SNX5: variants seen among roughly 807,000 people sequenced by gnomAD.
SNX5 encodes the protein sorting nexin 5, also known as sorting nexin-5.
SNX5 carries 31 observed loss-of-function variants against 53.9 expected under a neutral mutation model. The observed-to-expected ratio is 0.58, with a 90% confidence interval of 0.43 to 0.78. The LOEUF (loss-of-function observed/expected upper bound fraction) is 0.78, where lower values mean the gene tolerates loss of function less well. Ranked by LOEUF, SNX5 falls within the 30% of genes least tolerant of loss-of-function variation. The pLI is 0.00. For synonymous variants in SNX5, 168 were observed against 171.1 expected, an observed-to-expected ratio of 0.98 and a Z score of 0.14; for missense variants, 471 against 478.8, an observed-to-expected ratio of 0.98 and a Z score of 0.15.
Position 17,956,881 on chromosome 20 carries a change from A to G in SNX5, c.156+52T>C, listed in dbSNP as rs895116424. ...GAATCTCTTCTCACATCCACTGTGA[A>G]TAACAAGGCTGCAACCTAGCACTGT... On this transcript the variant is annotated intron_variant, in intron 2 of 12. Transcript: ENST00000377759. The G allele has an allele frequency of 1.2e-5, 11 of 924,744 alleles. No homozygotes were observed. In the South Asian group the frequency reaches 1.4e-4, roughly 12 times the overall value. 57.3% of individuals were successfully genotyped at this position (924,744 alleles called of 1,614,324 possible).
intron 11 of SNX5, 95 bp downstream of exon 11, chr20:17,947,391 G>A: frequency 1.5e-6 from 2 of 1,345,488 alleles, no homozygotes; most frequent in African/African-American, 1.5e-5. Context: ...ACTGGGTGAA[G>A]GATACATGGG....
chr20:17,960,690 C>T lies in SNX5; in HGVS notation c.52-3653G>A, dbSNP rs149151232. 4.5e-3 allele frequency among the ~76,000 whole-genome samples: 679 copies of T among 150,982 alleles called. 6 individuals are homozygous for T. Among genetic ancestry groups the T allele is most frequent in the African/African-American group, 0.016 (662 of 41,152 alleles). On this transcript the variant is annotated intron_variant, in intron 1 of 12. Coordinates refer to ENST00000377759, the MANE Select transcript of SNX5 (RefSeq NM_014426.4). The stretch of plus-strand genomic sequence containing the variant: ...TACTCAGGAGGCTGAGGCAGAAGAA[C>T]TGCTTGAACTCGGGAGGAGGAGGTT...
rs763200506 is a variant in SNX5 at position 17,941,889 on chromosome 20, C to A, written c.*468G>T. The A allele has an allele frequency of 6.4e-6, 1 of 155,844 alleles. No homozygotes were observed. Among genetic ancestry groups the A allele is most frequent in the Non-Finnish European group, 1.4e-5 (1 of 70,562 alleles). The allele number at this position is 155,844 out of a possible 1,614,324, so 9.7% of individuals were successfully genotyped here. On this transcript the variant is annotated 3_prime_UTR_variant, in exon 13 of 13. Coordinates refer to ENST00000377759, the MANE Select transcript of SNX5 (RefSeq NM_014426.4). ...TTATAGTACAAACACCAGATGACTA[C>A]CAGTGGAGTAACAGGGCAAAACAAA...
At chr20:17,966,173 G>C (rs1478296024) in intron 1 of SNX5, among the ~76,000 whole-genome samples, 1 of 152,104 alleles carries the variant, frequency 6.6e-6, no homozygotes, top group Admixed American at 6.6e-5. Context: ...AGGCTGCGAA[G>C]GTCGAGTTCA....
intron 1 of SNX5, chr20:17,961,796 A>G (rs2035455440): frequency 1.0e-6 from 1 of 985,326 alleles, no homozygotes; most frequent in African/African-American, 1.7e-5. Flanking sequence ...TGCCAGCAAG[A>G]GGGCCAATAT....
chr20:17,948,498 G>C (rs2039516925), intron 10 of SNX5, among the ~76,000 whole-genome samples: 1 of 152,166 alleles, frequency 6.6e-6, no homozygotes, highest in African/African-American at 2.4e-5. Flanking sequence ...TATTTGTTCA[G>C]GGCAATGCAG....
chr20:17,959,915 C>G (rs1247051099), intron 1 of SNX5, among the ~76,000 whole-genome samples: 2 of 152,128 alleles, frequency 1.3e-5, no homozygotes, highest in Admixed American at 6.5e-5. Flanking sequence ...CTCCATCCCC[C>G]CTTAAGCTTG....
intron 1 of SNX5, among the ~76,000 whole-genome samples, chr20:17,959,080 C>T (rs1416793957): frequency 6.6e-6 from 1 of 152,216 alleles, no homozygotes; most frequent in African/African-American, 2.4e-5. Flanking sequence ...ACTTCTAGCA[C>T]TGCTCAAATG....
intron 1 of SNX5, among the ~76,000 whole-genome samples, chr20:17,965,357 C>T (rs542405456): frequency 1.3e-5 from 2 of 152,208 alleles, no homozygotes; most frequent in South Asian, 4.1e-4. Flanking sequence ...TTAAACTCAA[C>T]CTCTAGTTTA....
At chr20:17,961,919 T>C (rs1002960314) in intron 1 of SNX5, 2 of 984,456 alleles carry the variant, frequency 2.0e-6, no homozygotes, top group South Asian at 4.7e-5. Context: ...TAAGTGAGAA[T>C]ATAAAATTCA....
At chr20:17,952,968 A>G (rs115737371) in intron 4 of SNX5, among the ~76,000 whole-genome samples, 1 of 152,248 alleles carries the variant, frequency 6.6e-6, no homozygotes, top group Admixed American at 6.5e-5. Context: ...CTAAATCTAC[A>G]TGCAATTACT....
chr20:17,952,840 C>T, intron 4 of SNX5, 130 bp from the exon 5 acceptor site: 9 of 1,070,858 alleles, frequency 8.4e-6, no homozygotes, highest in Non-Finnish European at 1.2e-5. Context: ...AACAGTATTT[C>T]AGTATAAACT....
intron 1 of SNX5, chr20:17,962,621 T>TTCGGGGGAGGGGGGAGGGATAA (rs1268019208): frequency 8.7e-5 from 40 of 461,162 alleles, no homozygotes; most frequent in East Asian, 2.8e-4. Context: ...TAAAGACTTC[T>TTCGGGGGAGGGGGGAGGGATAA]AACAGAAGAT....
Position 17,968,060 on chromosome 20 carries a change from G to A in SNX5, c.51+315C>T, listed in dbSNP as rs2035586680. Reference sequence around the variant, plus strand: ...CACCTACTGGTCACCACGAAGCCGAGGAAAGTTTTAAAAAGAACATTCCGG... The same window carrying A: ...CACCTACTGGTCACCACGAAGCCGAAGAAAGTTTTAAAAAGAACATTCCGG... On this transcript the variant is annotated intron_variant, in intron 1 of 12. Coordinates refer to ENST00000377759, the MANE Select transcript of SNX5 (RefSeq NM_014426.4). 1.5e-5 allele frequency: 6 copies of A among 398,510 alleles called. No individual in the cohort carries two copies. The South Asian group carries it at 6.4e-4, about 42-fold the overall frequency. 24.7% of individuals were successfully genotyped at this position (398,510 alleles called of 1,614,324 possible).
At chr20:17,967,143 G>A (rs548929076) in intron 1 of SNX5, among the ~76,000 whole-genome samples, 29 of 152,192 alleles carry the variant, frequency 1.9e-4, no homozygotes, top group Non-Finnish European at 2.9e-4. Flanking sequence ...ACCAGAGAGT[G>A]GGGTGAAGCA....
chr20:17,950,876 C>T (rs2122366805), intron 6 of SNX5: 1 of 158,696 alleles, frequency 6.3e-6, no homozygotes, highest in African/African-American at 2.4e-5. Context: ...GTCCGAGTTT[C>T]CTAATTTCTG....
At chr20:17,957,322 C>T (rs1244455870) in intron 1 of SNX5, among the ~76,000 whole-genome samples, 1 of 151,530 alleles carries the variant, frequency 6.6e-6, no homozygotes, top group Non-Finnish European at 1.5e-5. Context: ...GTAGTCCCAG[C>T]TACTTGGGAG....
rs2236157 is a variant in SNX5 at position 17,953,771 on chromosome 20, A to G, written c.389+225T>C. ...ACATATGGGAAAAGACAACTACTCT[A>G]TCGGGTATTAGTGTCAATGGCCTCC... On this transcript the variant is annotated intron_variant, in intron 4 of 12. Transcript: ENST00000377759. Among the ~76,000 whole-genome samples the G allele has an allele frequency of 5.2e-3, 796 of 152,308 alleles. 32 individuals are homozygous for G. In the East Asian group the frequency reaches 0.11, roughly 22 times the overall value.
chr20:17,950,464 T>C, intron 6 of SNX5, 68 bp from the exon 7 acceptor site: 2 of 871,786 alleles, frequency 2.3e-6, no homozygotes, highest in Non-Finnish European at 3.7e-6. Flanking sequence ...TTTACATTTA[T>C]CAATATAAAA....
Sources: gnomAD v4.1 joint callset for allele counts (sites outside exome capture counted in the v4.1 genomes callset) on GRCh38, gnomAD v4.1.1 for gene constraint, MANE v1.5 for transcripts, NCBI Gene and HGNC (gene_info 2026-07-23, HGNC 2026-07-21) for gene names.